MECOM: variants seen among roughly 807,000 people sequenced by gnomAD.
The protein encoded by MECOM is MDS1 and EVI1 complex locus.
In MECOM, 13 loss-of-function variants were observed where a neutral mutation model predicts 116.3. That is an observed-to-expected ratio of 0.11 (90% confidence interval 0.07 to 0.18). The LOEUF (loss-of-function observed/expected upper bound fraction) is 0.18, where lower values mean the gene tolerates loss of function less well. MECOM is among the 10% of genes least tolerant of loss of function. The pLI, the probability that MECOM is intolerant of heterozygous loss-of-function variation, is 1.00. For synonymous variants in MECOM, 528 were observed against 535.2 expected (o/e 0.99, Z 0.19); for missense variants, 1,299 against 1,509.0 (o/e 0.86, Z 2.31).
chr3:169,455,992 ATCAGTGTTTCTTTTCCTTTT>A (rs1323592207), intron 1 of MECOM, among the ~76,000 whole-genome samples: 1 of 152,204 alleles, frequency 6.6e-6, no homozygotes, highest in Non-Finnish European at 1.5e-5. Flanking sequence ...TCATTTCATT[ATCAGTGTTTCTTTTCCTTTT>A]AAAAAAATTA....
chr3:169,146,650 G>A, intron 2 of MECOM: 1 of 1,359,494 alleles, frequency 7.4e-7, no homozygotes, highest in African/African-American at 1.5e-5. Flanking sequence ...TGCCCCGGCA[G>A]GAAACTGTCC....
chr3:169,410,113 C>A (rs370208211), intron 1 of MECOM, among the ~76,000 whole-genome samples: 1 of 152,122 alleles, frequency 6.6e-6, no homozygotes, highest in East Asian at 1.9e-4. Context: ...AAAGACACAC[C>A]ACTCTGCCAT....
chr3:169,407,076 T>C (rs574862642), intron 1 of MECOM, among the ~76,000 whole-genome samples: 1 of 152,188 alleles, frequency 6.6e-6, no homozygotes, highest in Admixed American at 6.5e-5. Flanking sequence ...CTTGAACTCC[T>C]GACCTCATGC....
At chr3:169,267,278 G>A (rs1037488791) in intron 2 of MECOM, among the ~76,000 whole-genome samples, 5 of 152,204 alleles carry the variant, frequency 3.3e-5, no homozygotes, top group East Asian at 1.9e-4. Flanking sequence ...TGGGGTCTCT[G>A]TTACTCACAC....
chr3:169,562,332 A>G (rs1005771253), intron 1 of MECOM, among the ~76,000 whole-genome samples: 21 of 152,148 alleles, frequency 1.4e-4, no homozygotes, highest in Non-Finnish European at 2.2e-4. Flanking sequence ...AGATAGATTC[A>G]TAGAGGATGA....
intron 2 of MECOM, among the ~76,000 whole-genome samples, chr3:169,295,175 T>G (rs758181627): frequency 3.9e-5 from 6 of 152,204 alleles, no homozygotes; most frequent in Non-Finnish European, 5.9e-5. Context: ...CTGTCCCACT[T>G]TCACCATAGG....
At chr3:169,161,965 T>A (rs1483110228) in intron 2 of MECOM, among the ~76,000 whole-genome samples, 1 of 152,216 alleles carries the variant, frequency 6.6e-6, no homozygotes, top group African/African-American at 2.4e-5. Flanking sequence ...TGTGACCTGA[T>A]GAGACCCTGG....
chr3:169,322,201 G>A (rs1344230535), intron 2 of MECOM, among the ~76,000 whole-genome samples: 1 of 152,158 alleles, frequency 6.6e-6, no homozygotes, highest in African/African-American at 2.4e-5. Context: ...AGGTGGTACT[G>A]AGAGTATTTC....
At chr3:169,475,943 G>A (rs896222187) in intron 1 of MECOM, among the ~76,000 whole-genome samples, 1 of 152,114 alleles carries the variant, frequency 6.6e-6, no homozygotes, top group Non-Finnish European at 1.5e-5. Flanking sequence ...AAAATGAAAT[G>A]GAAGCACAGA....
intron 3 of MECOM, among the ~76,000 whole-genome samples, chr3:169,139,864 C>T (rs1048046868): frequency 2.0e-5 from 3 of 151,684 alleles, no homozygotes; most frequent in African/African-American, 7.3e-5. Context: ...CCGACCAAAC[C>T]TAAAGCAATG....
At chr3:169,591,914 T>TA (rs1468340263) in intron 1 of MECOM, among the ~76,000 whole-genome samples, 1 of 152,100 alleles carries the variant, frequency 6.6e-6, no homozygotes, top group Non-Finnish European at 1.5e-5. Context: ...TAATTTTCCA[T>TA]AAAAAAATAC....
chr3:169,416,134 T>C (rs1216248631), intron 1 of MECOM, among the ~76,000 whole-genome samples: 1 of 152,070 alleles, frequency 6.6e-6, no homozygotes, highest in African/African-American at 2.4e-5. Flanking sequence ...AGTAAAACAC[T>C]CCTCAGCAAA....
intron 1 of MECOM, among the ~76,000 whole-genome samples, chr3:169,592,000 A>G (rs995888145): frequency 6.6e-6 from 1 of 152,194 alleles, no homozygotes; most frequent in Non-Finnish European, 1.5e-5. Flanking sequence ...AACTGAAATG[A>G]TGTGGCTGTT....
chr3:169,190,736 C>G (rs1747412190), intron 2 of MECOM, among the ~76,000 whole-genome samples: 1 of 151,982 alleles, frequency 6.6e-6, no homozygotes, highest in African/African-American at 2.4e-5. Flanking sequence ...ATCCAACTTA[C>G]AAACAAAGGT....
chr3:169,636,023 C>T (rs141724550), intron 1 of MECOM, among the ~76,000 whole-genome samples: 4 of 152,270 alleles, frequency 2.6e-5, no homozygotes, highest in African/African-American at 9.6e-5. Flanking sequence ...GTGGATAATA[C>T]TTTGTTATCT....
chr3:169,556,013 C>A (rs1761986041), intron 1 of MECOM, among the ~76,000 whole-genome samples: 1 of 152,164 alleles, frequency 6.6e-6, no homozygotes, highest in South Asian at 2.1e-4. Context: ...GATTTACTTA[C>A]AGCAAGCATC....
At chr3:169,389,441 C>T (rs534650956) in intron 1 of MECOM, 7 of 429,934 alleles carry the variant, frequency 1.6e-5, no homozygotes, top group African/African-American at 1.5e-4. Flanking sequence ...ACTGGAATGA[C>T]CAGGTAAGAA....
At chr3:169,147,853 G>A (rs1740393866) in intron 2 of MECOM, 2 of 425,284 alleles carry the variant, frequency 4.7e-6, no homozygotes, top group South Asian at 2.0e-4. Context: ...CGAGGCAGGA[G>A]GGGGCGGGGG....
At chr3:169,204,193 A>T (rs989829977) in intron 2 of MECOM, among the ~76,000 whole-genome samples, 3 of 152,200 alleles carry the variant, frequency 2.0e-5, no homozygotes, top group African/African-American at 7.2e-5. Flanking sequence ...ACATTGTTAC[A>T]GACAAATTGC....
Sources: gnomAD v4.1 joint callset for allele counts (sites outside exome capture counted in the v4.1 genomes callset) on GRCh38, gnomAD v4.1.1 for gene constraint, MANE v1.5 for transcripts, NCBI Gene and HGNC (gene_info 2026-07-23, HGNC 2026-07-21) for gene names.